The following EFNA5 variants were observed in gnomAD, a reference collection of about 807,000 sequenced individuals.
The protein encoded by EFNA5 is ephrin-A5.
Under a neutral mutation model 22.9 loss-of-function variants are expected in EFNA5, and 5 were observed. The observed-to-expected ratio is 0.22, with a 90% confidence interval of 0.11 to 0.46. EFNA5 has a LOEUF of 0.46. Ranked by LOEUF, EFNA5 falls within the 20% of genes least tolerant of loss-of-function variation. EFNA5 has a pLI of 0.99. For synonymous variants in EFNA5, 113 were observed against 112.2 expected, an observed-to-expected ratio of 1.01 and a Z score of -0.04; for missense variants, 237 against 293.3, an observed-to-expected ratio of 0.81 and a Z score of 1.40.
chr5:107,532,949 C>T (rs1248945866), intron 1 of EFNA5, among the ~76,000 whole-genome samples: 2 of 152,150 alleles, frequency 1.3e-5, no homozygotes, highest in African/African-American at 4.8e-5. Context: ...GCTTTGTGCA[C>T]AGATTTTTGA....
chr5:107,587,165 G>A (rs1024900366), intron 1 of EFNA5, among the ~76,000 whole-genome samples: 1 of 152,162 alleles, frequency 6.6e-6, no homozygotes, highest in Admixed American at 6.5e-5. Context: ...CCACTTAAAT[G>A]ATTAACATTC....
intron 1 of EFNA5, among the ~76,000 whole-genome samples, chr5:107,457,833 C>A (rs1031651604): frequency 6.6e-6 from 1 of 152,192 alleles, no homozygotes; most frequent in African/African-American, 2.4e-5. Context: ...ACATAGTGAT[C>A]CTCTGAATTG....
At chr5:107,604,484 A>C (rs1413086229) in intron 1 of EFNA5, among the ~76,000 whole-genome samples, 1 of 152,224 alleles carries the variant, frequency 6.6e-6, no homozygotes, top group Non-Finnish European at 1.5e-5. Flanking sequence ...CACTAGTCTC[A>C]GTGAAGGAAA....
At chr5:107,553,534 G>A (rs1580527142) in intron 1 of EFNA5, among the ~76,000 whole-genome samples, 1 of 152,142 alleles carries the variant, frequency 6.6e-6, no homozygotes, top group Non-Finnish European at 1.5e-5. Context: ...ACATCTCCCC[G>A]AGGTGTAGTT....
intron 1 of EFNA5, among the ~76,000 whole-genome samples, chr5:107,574,660 C>T (rs1477046848): frequency 6.6e-6 from 1 of 152,166 alleles, no homozygotes; most frequent in Middle Eastern, 3.2e-3. Context: ...TTAAAAGAAG[C>T]CCCTGGGCTT....
chr5:107,582,619 T>G (rs1401678682), intron 1 of EFNA5, among the ~76,000 whole-genome samples: 1 of 152,180 alleles, frequency 6.6e-6, no homozygotes, highest in Admixed American at 6.5e-5. Flanking sequence ...GACTCCTCCA[T>G]TACTGTCCAA....
At chr5:107,467,027 C>T (rs565551843) in intron 1 of EFNA5, among the ~76,000 whole-genome samples, 135 of 152,176 alleles carry the variant, frequency 8.9e-4, no homozygotes, top group African/African-American at 3.1e-3. Context: ...ATAAGGAAAA[C>T]CAATCTTTAG....
At position 107,387,220 on chromosome 5, in the gene EFNA5, T is replaced by C. The variant is rs781010369; in HGVS notation, c.565+15A>G. On this transcript the variant is annotated intron_variant, in intron 4 of 4. Coordinates refer to ENST00000333274, the MANE Select transcript of EFNA5 (RefSeq NM_001962.3). The stretch of plus-strand genomic sequence containing the variant: ...TAGATGCATTTGTTAAAAGAGATTC[T>C]CTAAGCATACTAACCTGCTGGTTCT... The C allele has an allele frequency of 2.1e-5, 33 of 1,575,960 alleles. No homozygotes were observed. Among genetic ancestry groups the C allele is most frequent in the Middle Eastern group, 1.7e-4 (1 of 5,934 alleles).
At chr5:107,395,034 C>CTTTTTTTTTTTTTTTTTTTTTTTTTT in intron 2 of EFNA5, among the ~76,000 whole-genome samples, 1 of 86,132 alleles carries the variant, frequency 1.2e-5, no homozygotes, top group Admixed American at 1.7e-4. Flanking sequence ...ATTTCTAGTT[C>CTTTTTTTTTTTTTTTTTTTTTTTTTT]TTTTTTTTTT....
At chr5:107,487,012 CTGTT>C (rs1179675385) in intron 1 of EFNA5, among the ~76,000 whole-genome samples, 2 of 152,228 alleles carry the variant, frequency 1.3e-5, no homozygotes, top group Non-Finnish European at 2.9e-5. Flanking sequence ...GTTCACATCT[CTGTT>C]TGAACTTCAA....
At chr5:107,489,497 T>G (rs558800293) in intron 1 of EFNA5, among the ~76,000 whole-genome samples, 1 of 152,100 alleles carries the variant, frequency 6.6e-6, no homozygotes, top group African/African-American at 2.4e-5. Context: ...TAAACCAAAC[T>G]TAACAGATTA....
intron 1 of EFNA5, among the ~76,000 whole-genome samples, chr5:107,527,760 G>A (rs1304077320): frequency 6.6e-6 from 1 of 152,042 alleles, no homozygotes; most frequent in African/African-American, 2.4e-5. Flanking sequence ...TGGCAGGTAG[G>A]GAAGTTTCAT....
intron 1 of EFNA5, among the ~76,000 whole-genome samples, chr5:107,588,279 T>C (rs1381048362): frequency 6.6e-6 from 1 of 152,090 alleles, no homozygotes; most frequent in African/African-American, 2.4e-5. Context: ...CACTGGCCTA[T>C]TGTTCCACAT....
At chr5:107,547,984 A>C (rs1213549313) in intron 1 of EFNA5, among the ~76,000 whole-genome samples, 1 of 152,228 alleles carries the variant, frequency 6.6e-6, no homozygotes, top group Non-Finnish European at 1.5e-5. Flanking sequence ...TCAAATTCCT[A>C]AGAAGGTCTA....
At chr5:107,597,983 G>A (rs1327847783) in intron 1 of EFNA5, among the ~76,000 whole-genome samples, 1 of 152,084 alleles carries the variant, frequency 6.6e-6, no homozygotes, top group Non-Finnish European at 1.5e-5. Flanking sequence ...AACTTCTGTA[G>A]TCATTTTCCT....
intron 1 of EFNA5, among the ~76,000 whole-genome samples, chr5:107,639,940 CA>C (rs1261057149): frequency 6.6e-6 from 1 of 151,862 alleles, no homozygotes; most frequent in Non-Finnish European, 1.5e-5. Context: ...AGCTTTAAGC[CA>C]AAAAAATTGT....
intron 1 of EFNA5, among the ~76,000 whole-genome samples, chr5:107,617,204 G>GCACACA (rs1479551977): frequency 1.6e-5 from 2 of 122,228 alleles, no homozygotes; most frequent in African/African-American, 7.8e-5. Flanking sequence ...ACTTACATGT[G>GCACACA]CACATACACA....
At chr5:107,536,739 A>T (rs931220400) in intron 1 of EFNA5, among the ~76,000 whole-genome samples, 52 of 152,326 alleles carry the variant, frequency 3.4e-4, no homozygotes, top group African/African-American at 1.1e-3. Flanking sequence ...ACAATAATTC[A>T]AAACACAATT....
intron 1 of EFNA5, among the ~76,000 whole-genome samples, chr5:107,540,513 T>C (rs1748022122): frequency 6.6e-6 from 1 of 152,122 alleles, no homozygotes; most frequent in Admixed American, 6.6e-5. Flanking sequence ...TATGAGCAGA[T>C]TGAAGAAATA....
Sources: gnomAD v4.1 joint callset for allele counts (sites outside exome capture counted in the v4.1 genomes callset) on GRCh38, gnomAD v4.1.1 for gene constraint, MANE v1.5 for transcripts, NCBI Gene and HGNC (gene_info 2026-07-23, HGNC 2026-07-21) for gene names.